HPSE: variants seen among roughly 807,000 people sequenced by gnomAD.
HPSE encodes the protein endo-glucoronidase.
A neutral mutation model predicts 65.1 loss-of-function variants in HPSE; 48 were observed. The ratio of observed to expected loss-of-function variants is 0.74; its 90% CI spans 0.58 to 0.94. The LOEUF (loss-of-function observed/expected upper bound fraction) is 0.94. Ranked by LOEUF, HPSE falls within the 40% of genes least tolerant of loss-of-function variation. The pLI, the probability that HPSE is intolerant of heterozygous loss-of-function variation, is 0.00. For synonymous variants in HPSE, 243 were observed against 260.0 expected (o/e 0.93, Z 0.63); for missense variants, 644 against 637.5 (o/e 1.01, Z -0.11).
intron 9 of HPSE, among the ~76,000 whole-genome samples, chr4:83,305,074 T>C (rs996719666): frequency 1.3e-5 from 2 of 152,194 alleles, no homozygotes; most frequent in African/African-American, 4.8e-5. Flanking sequence ...AGTCTAATTC[T>C]CTTGGATCTA....
At chr4:83,320,151 T>G (rs1429260202) in intron 2 of HPSE, among the ~76,000 whole-genome samples, 1 of 152,026 alleles carries the variant, frequency 6.6e-6, no homozygotes, top group Admixed American at 6.5e-5. Flanking sequence ...GGACTGTATC[T>G]GCAGTGTGGT....
At chr4:83,310,971 A>G in intron 4 of HPSE, 81 bp from the exon 5 acceptor site, 1 of 1,172,614 alleles carries the variant, frequency 8.5e-7, no homozygotes. Flanking sequence ...TAAAAGCAAC[A>G]AAACATTTTC....
intron 3 of HPSE, among the ~76,000 whole-genome samples, chr4:83,317,988 A>G (rs960035991): frequency 6.6e-6 from 1 of 152,226 alleles, no homozygotes; most frequent in Non-Finnish European, 1.5e-5. Context: ...AGAGGACAAC[A>G]TTAGCTATTA....
At chr4:83,313,402 C>T (rs1486648668) in intron 3 of HPSE, 115 bp from the exon 4 acceptor site, 4 of 616,264 alleles carry the variant, frequency 6.5e-6, no homozygotes, top group Non-Finnish European at 8.1e-6. Context: ...AATTCTAGTT[C>T]TAATAAATGA....
Position 83,323,427 on chromosome 4 carries a change from G to T in HPSE, c.228-1063C>A, listed in dbSNP as rs192458901. ...GGCTATGCATGTGTGTGGGCAGGGG[G>T]TTTATGGGAAATCTCTGTCCTTGCA... On this transcript the variant is annotated intron_variant, in intron 1 of 11. Coordinates refer to ENST00000311412, the MANE Select transcript of HPSE (RefSeq NM_001098540.3). Among the ~76,000 whole-genome samples the T allele has an allele frequency of 2.5e-3, 383 of 152,160 alleles. 1 individual carries two copies. Among genetic ancestry groups the T allele is most frequent in the African/African-American group, 8.9e-3 (368 of 41,470 alleles).
At chr4:83,319,306 G>C (rs1736780408) in intron 3 of HPSE, 38 bp downstream of exon 3, 1 of 1,607,498 alleles carries the variant, frequency 6.2e-7, no homozygotes. Flanking sequence ...AAATATCTTT[G>C]GGGCTGGAAC....
chr4:83,311,781 GAAAAAAAAA>G (rs59143616), intron 4 of HPSE, among the ~76,000 whole-genome samples: 1 of 126,918 alleles, frequency 7.9e-6, no homozygotes, highest in Non-Finnish European at 1.6e-5. Context: ...GATCTTGTCT[GAAAAAAAAA>G]AAAAAAAAAA....
intron 2 of HPSE, among the ~76,000 whole-genome samples, chr4:83,321,151 T>C (rs1485675771): frequency 6.6e-6 from 1 of 152,164 alleles, no homozygotes; most frequent in Admixed American, 6.5e-5. Flanking sequence ...TGGGCCATGC[T>C]TGTGCCACTG....
At chr4:83,307,139 G>A (rs1305184962) in intron 8 of HPSE, among the ~76,000 whole-genome samples, 1 of 152,124 alleles carries the variant, frequency 6.6e-6, no homozygotes, top group Non-Finnish European at 1.5e-5. Flanking sequence ...TCGAATGTTC[G>A]GGGAGACTGA....
chr4:83,295,526 G>A lies in HPSE; in HGVS notation c.1473-23C>T, dbSNP rs543434903. 213 of 1,537,886 alleles carry A rather than the reference G, an allele frequency of 1.4e-4. 1 individual carries two copies. The South Asian group carries it at 2.4e-3, about 17-fold the overall frequency. On this transcript the variant is annotated intron_variant, in intron 11 of 11. Coordinates refer to ENST00000311412, the MANE Select transcript of HPSE (RefSeq NM_001098540.3). ...GATCTGCAAAGGAGAAAGATACACC[G>A]AGTTAACCAAGTGGTGCATGCCCCA...
chr4:83,330,252 G>C (rs963594985), intron 1 of HPSE, among the ~76,000 whole-genome samples: 2 of 152,252 alleles, frequency 1.3e-5, no homozygotes, highest in African/African-American at 2.4e-5. Context: ...CTACAGGGAA[G>C]ACAGTGTCAT....
At chr4:83,334,434 A>G in intron 1 of HPSE, 122 bp downstream of exon 1, 1 of 1,115,540 alleles carries the variant, frequency 9.0e-7, no homozygotes, top group Non-Finnish European at 1.3e-6. Context: ...GGGTGGGGAG[A>G]GACAGGCGGG....
At chr4:83,325,049 A>G (rs1021640707) in intron 1 of HPSE, among the ~76,000 whole-genome samples, 6 of 152,156 alleles carry the variant, frequency 3.9e-5, no homozygotes, top group African/African-American at 1.4e-4. Flanking sequence ...GTGGTGAGCT[A>G]GATGGTAGAC....
chr4:83,305,643 G>A (rs1225564898), intron 9 of HPSE, among the ~76,000 whole-genome samples: 2 of 152,130 alleles, frequency 1.3e-5, no homozygotes, highest in Non-Finnish European at 2.9e-5. Flanking sequence ...GATCTTCCAC[G>A]AGGCTTTTTG....
chr4:83,320,472 G>A (rs1578021654), intron 2 of HPSE, among the ~76,000 whole-genome samples: 1 of 152,002 alleles, frequency 6.6e-6, no homozygotes. Flanking sequence ...AGACCGAGGT[G>A]GGAGGATGCC....
chr4:83,303,417 T>C (rs1736033482), intron 9 of HPSE, among the ~76,000 whole-genome samples: 1 of 123,644 alleles, frequency 8.1e-6, no homozygotes, highest in Non-Finnish European at 1.7e-5. Context: ...GGATTCTGAT[T>C]TGAATAACTA....
chr4:83,322,785 TTGTTTGTGTGTGTGTG>T (rs1203341688), intron 1 of HPSE, among the ~76,000 whole-genome samples: 3 of 78,876 alleles, frequency 3.8e-5, no homozygotes, highest in South Asian at 5.0e-4. Context: ...TGGCAAGAGC[TTGTTTGTGTGTGTGTG>T]TGTGTGTGTG....
chr4:83,308,217 G>C (rs1163702986), intron 8 of HPSE, among the ~76,000 whole-genome samples: 1 of 151,962 alleles, frequency 6.6e-6, no homozygotes, highest in African/African-American at 2.4e-5. Context: ...AGACCAGCCT[G>C]GGCAACATGT....
chr4:83,319,386 G>A lies in HPSE; in HGVS notation c.457C>T (p.Arg153Ter), dbSNP rs372760817. 76 of 1,613,680 alleles carry A rather than the reference G, an allele frequency of 4.7e-5. No homozygotes were observed. Among genetic ancestry groups the A allele is most frequent in the Middle Eastern group, 1.6e-4 (1 of 6,082 alleles). Residue 153 changes from arginine (R) to a stop codon, truncating the protein, a stop_gained, in exon 3 of 12, where the codon CGA becomes TGA. Transcript: ENST00000311412. LOFTEE classifies it high-confidence loss of function. ...EWPYQEQLLL[R>*]EHYQKKFKNS... ...TTGAACTTTTTCTGGTAGTGTTCTC[G>A]GAGTAGCAATTGCTCCTGGTAGGGC...
Sources: allele counts gnomAD v4.1 joint callset (sites outside exome capture counted in the v4.1 genomes callset), GRCh38; gene constraint gnomAD v4.1.1; transcripts MANE v1.5; gene names NCBI Gene and HGNC (gene_info 2026-07-23, HGNC 2026-07-21).